The following MTMR14 variants were observed in gnomAD, a reference collection of about 807,000 sequenced individuals.
MTMR14 encodes the protein phosphatidylinositol-3,5-bisphosphate 3-phosphatase MTMR14.
A neutral mutation model predicts 86.3 loss-of-function variants in MTMR14; 48 were observed. That is an observed-to-expected ratio of 0.56 (90% confidence interval 0.44 to 0.71). MTMR14 has a LOEUF of 0.71. Among genes scored for constraint, MTMR14 ranks in the 30% least tolerant of loss-of-function variants. The pLI is 0.00. For missense variants in MTMR14, 780 were observed against 834.6 expected (o/e 0.93, Z 0.81); for synonymous variants, 366 against 326.1 (o/e 1.12, Z -1.32).
chr3:9,692,700 G>C (rs1231550148), intron 17 of MTMR14, among the ~76,000 whole-genome samples: 1 of 152,242 alleles, frequency 6.6e-6, no homozygotes, highest in African/African-American at 2.4e-5. Context: ...TTGAAGCCAG[G>C]CTACCTGAAG....
intron 13 of MTMR14, among the ~76,000 whole-genome samples, chr3:9,686,573 C>G (rs2075964084): frequency 6.6e-6 from 1 of 152,250 alleles, no homozygotes; most frequent in African/African-American, 2.4e-5. Context: ...GTCTCCCCAC[C>G]TCACCTTGGA....
intron 9 of MTMR14, among the ~76,000 whole-genome samples, chr3:9,679,087 C>T (rs961320224): frequency 2.6e-5 from 4 of 152,222 alleles, no homozygotes; most frequent in African/African-American, 9.6e-5. Flanking sequence ...TGTCAGTACC[C>T]TGTTGTCCTG....
intron 2 of MTMR14, among the ~76,000 whole-genome samples, chr3:9,656,919 G>GC (rs1553665226): frequency 1.3e-5 from 2 of 151,838 alleles, no homozygotes; most frequent in African/African-American, 4.8e-5. Flanking sequence ...ATCAAGGTGG[G>GC]TTTTTTTGTT....
intron 11 of MTMR14, 23 bp downstream of exon 11, chr3:9,684,693 C>T (rs773325723): frequency 1.2e-6 from 2 of 1,612,366 alleles, no homozygotes; most frequent in South Asian, 2.2e-5. Context: ...CGGCCCCTAC[C>T]AAGCTCTGCT....
At chr3:9,654,513 A>G (rs1243963420) in intron 2 of MTMR14, among the ~76,000 whole-genome samples, 1 of 152,226 alleles carries the variant, frequency 6.6e-6, no homozygotes, top group African/African-American at 2.4e-5. Context: ...AGTAAATGGT[A>G]TAGTTATTTG....
At chr3:9,687,448 G>A (rs936179724) in intron 13 of MTMR14, among the ~76,000 whole-genome samples, 4 of 151,996 alleles carry the variant, frequency 2.6e-5, no homozygotes, top group Admixed American at 6.6e-5. Flanking sequence ...CCAGCTACTC[G>A]GGAGGCTGAG....
intron 9 of MTMR14, 50 bp from the exon 10 acceptor site, chr3:9,683,128 A>G (rs1214783996): frequency 6.4e-7 from 1 of 1,555,060 alleles, no homozygotes; most frequent in Non-Finnish European, 8.9e-7. Context: ...TAAATACTTT[A>G]AATTCTAAAT....
At chr3:9,656,240 G>A (rs762883182) in intron 2 of MTMR14, among the ~76,000 whole-genome samples, 7 of 151,998 alleles carry the variant, frequency 4.6e-5, no homozygotes, top group Non-Finnish European at 8.8e-5. Flanking sequence ...GTTGTAGTGG[G>A]GTTCTCCAAG....
At chr3:9,655,602 A>G (rs2047553974) in intron 2 of MTMR14, among the ~76,000 whole-genome samples, 1 of 148,878 alleles carries the variant, frequency 6.7e-6, no homozygotes, top group African/African-American at 2.5e-5. Context: ...CTGGGATTAC[A>G]GGCGCCCGCC....
Position 9,701,452 on chromosome 3 carries a change from C to CTTGTGCCCGGGAGG in MTMR14, c.1770-335_1770-334insTGCCCGGGAGGTTG, listed in dbSNP as rs6147704. The CTTGTGCCCGGGAGG allele has an allele frequency of 0.14, 49,289 of 345,708 alleles. 4,725 individuals carry two copies. Among genetic ancestry groups the CTTGTGCCCGGGAGG allele is most frequent in the African/African-American group, 0.29 (13,658 of 46,648 alleles). The allele number at this position is 345,708 out of a possible 1,614,324, so 21.4% of individuals were successfully genotyped here. A position where few individuals can be genotyped will look rare whatever the true frequency, so the allele number is the denominator to read the frequency against. On this transcript the variant is annotated intron_variant, in intron 18 of 18. Transcript: ENST00000296003. This position sits in a 1 kb window ranked among gnomAD's most constrained non-coding sequence, Gnocchi z 4.2. The stretch of plus-strand genomic sequence containing the variant: ...TTGAGGGGCTGAGGTGGGAGGATGG[C>CTTGTGCCCGGGAGG]TTGAGGCTACAGTGAGCGCTGATTG...
intron 13 of MTMR14, 89 bp downstream of exon 13, chr3:9,685,336 A>G (rs2125277756): frequency 1.3e-6 from 2 of 1,519,618 alleles, no homozygotes; most frequent in South Asian, 1.1e-5. Context: ...TGTTAGGGGC[A>G]GCTCCTTGCC....
intron 2 of MTMR14, among the ~76,000 whole-genome samples, chr3:9,655,465 T>C (rs2047542710): frequency 2.4e-5 from 1 of 40,980 alleles, no homozygotes; most frequent in African/African-American, 1.9e-4. Context: ...TGATGTCTTT[T>C]TTTTTTTTTT....
intron 13 of MTMR14, among the ~76,000 whole-genome samples, chr3:9,686,510 T>C (rs886288697): frequency 6.6e-6 from 1 of 152,168 alleles, no homozygotes; most frequent in African/African-American, 2.4e-5. Flanking sequence ...ATCCAGACAC[T>C]GATGCGTCCA....
intron 9 of MTMR14, among the ~76,000 whole-genome samples, chr3:9,682,939 C>A (rs1215886939): frequency 3.3e-5 from 5 of 151,562 alleles, no homozygotes; most frequent in African/African-American, 9.7e-5. Flanking sequence ...CAGAGCCCCC[C>A]CCCCGCCCCC....
chr3:9,671,536 A>C (rs539371668), intron 6 of MTMR14, among the ~76,000 whole-genome samples: 1 of 152,046 alleles, frequency 6.6e-6, no homozygotes, highest in African/African-American at 2.4e-5. Flanking sequence ...TTTATTTTTC[A>C]TAGTGACAGA....
chr3:9,660,956 T>C (rs554471955), intron 2 of MTMR14, among the ~76,000 whole-genome samples: 1 of 152,334 alleles, frequency 6.6e-6, no homozygotes, highest in African/African-American at 2.4e-5. Flanking sequence ...TAGGTGAGTT[T>C]ATGAGAGCGG....
At chr3:9,652,930 A>C (rs1407446162) in intron 1 of MTMR14, among the ~76,000 whole-genome samples, 1 of 152,096 alleles carries the variant, frequency 6.6e-6, no homozygotes, top group Non-Finnish European at 1.5e-5. Context: ...TGACAGAGTG[A>C]GACTGTGTCT....
At chr3:9,700,237 A>T (rs1054633434) in intron 18 of MTMR14, 4 of 152,210 alleles carry the variant, frequency 2.6e-5, no homozygotes, top group African/African-American at 9.7e-5. Context: ...ATTTCCAGGG[A>T]GGGACTGTCC....
chr3:9,681,225 T>C (rs900064323), intron 9 of MTMR14, among the ~76,000 whole-genome samples: 2 of 152,200 alleles, frequency 1.3e-5, no homozygotes, highest in Non-Finnish European at 2.9e-5. Context: ...AGGACACATG[T>C]GTCTTGCTGC....
Sources: gnomAD v4.1 joint callset for allele counts (sites outside exome capture counted in the v4.1 genomes callset) on GRCh38, gnomAD v4.1.1 for gene constraint, Gnocchi (gnomAD v3.1) non-coding constraint, MANE v1.5 for transcripts, NCBI Gene and HGNC (gene_info 2026-07-23, HGNC 2026-07-21) for gene names.